The following FAM107B variants were observed in gnomAD, a reference collection of about 807,000 sequenced individuals.
FAM107B encodes family with sequence similarity 107 member B, also known as protein FAM107B.
FAM107B carries 21 observed loss-of-function variants against 31.5 expected under a neutral mutation model. The observed-to-expected ratio is 0.67, with a 90% confidence interval of 0.47 to 0.96. FAM107B has a LOEUF of 0.96. FAM107B is among the 40% of genes least tolerant of loss of function. The pLI is 0.00. For missense variants in FAM107B, 452 were observed against 377.1 expected (o/e 1.20, Z -1.64); for synonymous variants, 157 against 141.5 (o/e 1.11, Z -0.78).
chr10:14,605,667 A>G (rs1002173589), intron 2 of FAM107B, among the ~76,000 whole-genome samples: 14 of 152,232 alleles, frequency 9.2e-5, no homozygotes, highest in African/African-American at 3.4e-4. Context: ...TCCCTGCCAG[A>G]GAACTTAAAG....
At chr10:14,660,332 TG>T (rs1335631555) in intron 2 of FAM107B, among the ~76,000 whole-genome samples, 1 of 152,152 alleles carries the variant, frequency 6.6e-6, no homozygotes, top group Admixed American at 6.5e-5. Flanking sequence ...AATGGCAAAT[TG>T]AAGCCAACGT....
At chr10:14,538,231 T>C (rs984345523) in intron 2 of FAM107B, among the ~76,000 whole-genome samples, 4 of 152,228 alleles carry the variant, frequency 2.6e-5, no homozygotes, top group Non-Finnish European at 4.4e-5. Context: ...ACATATTTCA[T>C]TAAAATATAT....
At chr10:14,715,886 C>T (rs888764100) in intron 1 of FAM107B, among the ~76,000 whole-genome samples, 1 of 152,186 alleles carries the variant, frequency 6.6e-6, no homozygotes, top group African/African-American at 2.4e-5. Flanking sequence ...CCAAATTACA[C>T]CATCTTCCCT....
At chr10:14,620,723 TC>T (rs750000943) in intron 2 of FAM107B, among the ~76,000 whole-genome samples, 1 of 152,160 alleles carries the variant, frequency 6.6e-6, no homozygotes, top group Non-Finnish European at 1.5e-5. Context: ...GATGTTCCCC[TC>T]CCTGTGTCCA....
intron 2 of FAM107B, among the ~76,000 whole-genome samples, chr10:14,664,667 C>T (rs1854362293): frequency 6.6e-6 from 1 of 152,188 alleles, no homozygotes; most frequent in African/African-American, 2.4e-5. Flanking sequence ...ATGATGTTCA[C>T]ACAATGACAA....
At chr10:14,599,453 C>T (rs1852294717) in intron 2 of FAM107B, among the ~76,000 whole-genome samples, 1 of 152,194 alleles carries the variant, frequency 6.6e-6, no homozygotes, top group African/African-American at 2.4e-5. Flanking sequence ...CACACGCCCC[C>T]AACACCACTA....
At chr10:14,630,684 T>TA (rs899323307) in intron 2 of FAM107B, among the ~76,000 whole-genome samples, 1 of 151,200 alleles carries the variant, frequency 6.6e-6, no homozygotes, top group Non-Finnish European at 1.5e-5. Flanking sequence ...CCCTCTAAAA[T>TA]AAAAAATACC....
At chr10:14,583,219 C>T (rs1292136719) in intron 2 of FAM107B, among the ~76,000 whole-genome samples, 2 of 152,046 alleles carry the variant, frequency 1.3e-5, no homozygotes, top group Admixed American at 6.6e-5. Context: ...ACTAAAGAAA[C>T]CAGAAGGAGG....
chr10:14,538,539 G>A (rs1420193347), intron 2 of FAM107B, among the ~76,000 whole-genome samples: 2 of 152,214 alleles, frequency 1.3e-5, no homozygotes, highest in African/African-American at 2.4e-5. Context: ...TAGGTGTCAG[G>A]ATAATGCTTA....
At chr10:14,600,281 G>C (rs1442110812) in intron 2 of FAM107B, among the ~76,000 whole-genome samples, 1 of 152,184 alleles carries the variant, frequency 6.6e-6, no homozygotes, top group Non-Finnish European at 1.5e-5. Flanking sequence ...CCTTCAGCAA[G>C]GACACTGGGA....
At chr10:14,713,831 A>T (rs377449050) in intron 1 of FAM107B, among the ~76,000 whole-genome samples, 2 of 152,234 alleles carry the variant, frequency 1.3e-5, no homozygotes, top group East Asian at 3.8e-4. Context: ...CATATACACC[A>T]TGGATATTAT....
intron 3 of FAM107B, among the ~76,000 whole-genome samples, chr10:14,526,965 G>A (rs1846314403): frequency 6.6e-6 from 1 of 151,986 alleles, no homozygotes; most frequent in Non-Finnish European, 1.5e-5. Context: ...AGCCTCCTGA[G>A]TAGCTGGGAC....
intron 1 of FAM107B, among the ~76,000 whole-genome samples, chr10:14,765,352 T>C (rs1483863679): frequency 6.6e-6 from 1 of 152,238 alleles, no homozygotes; most frequent in Non-Finnish European, 1.5e-5. Context: ...TAGCCAAATC[T>C]GCACCATGTA....
chr10:14,546,075 TAC>T (rs1848667372), intron 2 of FAM107B, among the ~76,000 whole-genome samples: 1 of 152,228 alleles, frequency 6.6e-6, no homozygotes, highest in Non-Finnish European at 1.5e-5. Flanking sequence ...AACAAACTAA[TAC>T]TTTCAAAAGA....
chr10:14,697,668 T>C lies in FAM107B; in HGVS notation c.412-29977A>G, dbSNP rs148189187. On this transcript the variant is annotated intron_variant, in intron 1 of 4. Coordinates refer to ENST00000181796, the MANE Select transcript of FAM107B (RefSeq NM_031453.4). ...TCTGCAAAATGCATTCATTGCCTAG[T>C]GCTCAGACCTATACAGCTGCTGTCT... Among the ~76,000 whole-genome samples, 71 of 152,368 alleles carry C rather than the reference T, an allele frequency of 4.7e-4. 1 individual carries two copies. The Middle Eastern group carries it at 0.01, about 22-fold the overall frequency.
intron 2 of FAM107B, among the ~76,000 whole-genome samples, chr10:14,550,932 T>C (rs962967298): frequency 1.2e-4 from 19 of 152,284 alleles, no homozygotes; most frequent in South Asian, 4.2e-4. Context: ...AGAGGAACAA[T>C]TGTAAAATAA....
intron 1 of FAM107B, among the ~76,000 whole-genome samples, chr10:14,680,160 G>A (rs1214237173): frequency 1.3e-5 from 2 of 152,228 alleles, no homozygotes; most frequent in Non-Finnish European, 2.9e-5. Context: ...TCTTCAACTG[G>A]GCTGGTGGAA....
intron 1 of FAM107B, among the ~76,000 whole-genome samples, chr10:14,752,626 G>T (rs552015150): frequency 1.3e-5 from 2 of 152,142 alleles, no homozygotes; most frequent in African/African-American, 2.4e-5. Context: ...ACTATAAGAT[G>T]AATGCATCAG....
In FAM107B at chr10:14,628,112, G is replaced by GTTTTTTTTTGTTTTTTTTTT. The variant is rs58879328; in HGVS notation, c.469+39521_469+39522insAAAAAAAAAACAAAAAAAAA. On this transcript the variant is annotated intron_variant, in intron 2 of 4. Coordinates refer to ENST00000181796, the MANE Select transcript of FAM107B (RefSeq NM_031453.4). The stretch of plus-strand genomic sequence containing the variant: ...TCCTTGTTTGTTTTTTGTTTTGCTG[G>GTTTTTTTTTGTTTTTTTTTT]TTTTTTTTTTTTTTTTTTTTTGAGA... Among the ~76,000 whole-genome samples, 193 of 92,670 alleles carry GTTTTTTTTTGTTTTTTTTTT rather than the reference G, an allele frequency of 2.1e-3. 15 individuals are homozygous for GTTTTTTTTTGTTTTTTTTTT. Among genetic ancestry groups the GTTTTTTTTTGTTTTTTTTTT allele is most frequent in the East Asian group, 8.7e-3 (20 of 2,294 alleles). 60.8% of individuals were successfully genotyped at this position (92,670 alleles called of 152,430 possible).
Sources: gnomAD v4.1 joint callset for allele counts (sites outside exome capture counted in the v4.1 genomes callset) on GRCh38, gnomAD v4.1.1 for gene constraint, MANE v1.5 for transcripts, NCBI Gene and HGNC (gene_info 2026-07-23, HGNC 2026-07-21) for gene names.